TMEM232: variants seen among roughly 807,000 people sequenced by gnomAD.
The protein encoded by TMEM232 is transmembrane protein 232.
In TMEM232, 80 loss-of-function variants were observed where a neutral mutation model predicts 78.8. The observed-to-expected ratio is 1.01, with a 90% CI of 0.85 to 1.22. TMEM232 has a LOEUF of 1.22. TMEM232 is among the 50% of genes most tolerant of loss of function. The pLI is 0.00. For synonymous variants in TMEM232, 297 were observed against 254.3 expected, an observed-to-expected ratio of 1.17 and a Z score of -1.60; for missense variants, 881 against 742.2, an observed-to-expected ratio of 1.19 and a Z score of -2.17.
Position 110,566,408 on chromosome 5 carries a change from G to C in TMEM232, c.1455+2039C>G, listed in dbSNP as rs1248037615. Among the ~76,000 whole-genome samples the C allele has an allele frequency of 5.3e-5, 8 of 151,852 alleles. No individual in the cohort carries two copies. In the East Asian group the frequency reaches 1.6e-3, roughly 30 times the overall value. On this transcript the variant is annotated intron_variant, in intron 11 of 13. Transcript: ENST00000455884. ...GCTTGAATTCCTTCCCAAAAAATGGGATGCAGGCTGCAAATTTTTCAAACT... is the reference window on the plus strand; with the variant it reads ...GCTTGAATTCCTTCCCAAAAAATGGCATGCAGGCTGCAAATTTTTCAAACT...
At chr5:110,656,408 T>A (rs926657331) in intron 2 of TMEM232, among the ~76,000 whole-genome samples, 1 of 152,046 alleles carries the variant, frequency 6.6e-6, no homozygotes, top group African/African-American at 2.4e-5. Flanking sequence ...TTATGTTAAT[T>A]TTTTTTTGTT....
chr5:110,570,880 A>G (rs1372779944), intron 10 of TMEM232, among the ~76,000 whole-genome samples: 2 of 151,972 alleles, frequency 1.3e-5, no homozygotes, highest in East Asian at 3.9e-4. Flanking sequence ...ATATGACATC[A>G]TTTTGGAACA....
At chr5:110,558,716 A>G (rs1775405464) in intron 11 of TMEM232, among the ~76,000 whole-genome samples, 1 of 152,244 alleles carries the variant, frequency 6.6e-6, no homozygotes, top group East Asian at 1.9e-4. Flanking sequence ...ATCCCTGGCC[A>G]TTTTCCACTA....
intron 1 of TMEM232, among the ~76,000 whole-genome samples, chr5:110,736,749 C>T (rs1799211958): frequency 6.6e-6 from 1 of 152,012 alleles, no homozygotes; most frequent in Non-Finnish European, 1.5e-5. Context: ...CACATTACTC[C>T]TCTACTCTCA....
chr5:110,397,683 TATAAGA>T (rs143893945), intron 3 of TMEM232: 8,495 of 152,624 alleles, frequency 0.056, 463 homozygotes, highest in East Asian at 0.22. Context: ...ACCACCCATT[TATAAGA>T]ATAAGTTGGT....
chr5:110,500,308 G>T (rs56392154), intron 12 of TMEM232, among the ~76,000 whole-genome samples: 3 of 130,724 alleles, frequency 2.3e-5, no homozygotes, highest in African/African-American at 6.1e-5. Flanking sequence ...AAAAAAAAAA[G>T]AAAGAAAGAA....
At chr5:110,569,001 G>A (rs1776633190) in intron 10 of TMEM232, among the ~76,000 whole-genome samples, 1 of 151,808 alleles carries the variant, frequency 6.6e-6, no homozygotes, top group Admixed American at 6.6e-5. Context: ...TAATAAAGTA[G>A]AGAAACCAGA....
chr5:110,502,534 A>G (rs1209173625), intron 12 of TMEM232, among the ~76,000 whole-genome samples: 1 of 152,214 alleles, frequency 6.6e-6, no homozygotes, highest in Non-Finnish European at 1.5e-5. Flanking sequence ...CTTTCTCTTT[A>G]ATAGGCAAAT....
At chr5:110,419,178 TC>T (rs1380491210), downstream of TMEM232, among the ~76,000 whole-genome samples, 5 of 149,816 alleles carry the variant, frequency 3.3e-5, no homozygotes, top group African/African-American at 1.2e-4. Context: ...TTTTTTTTTT[TC>T]CTTTGCACAA....
At chr5:110,641,592 A>T (rs2150018689) in intron 3 of TMEM232, among the ~76,000 whole-genome samples, 1 of 152,250 alleles carries the variant, frequency 6.6e-6, no homozygotes, top group African/African-American at 2.4e-5. Flanking sequence ...TTTTTTTCAA[A>T]ATTTTCAAAT....
chr5:110,477,711 CATA>C (rs1247703857), intron 12 of TMEM232, among the ~76,000 whole-genome samples: 1 of 151,746 alleles, frequency 6.6e-6, no homozygotes, highest in African/African-American at 2.4e-5. Flanking sequence ...AAAAAAAATT[CATA>C]ATGATGATAA....
chr5:110,623,085 C>T (rs1783982127), intron 7 of TMEM232, among the ~76,000 whole-genome samples: 1 of 152,058 alleles, frequency 6.6e-6, no homozygotes, highest in African/African-American at 2.4e-5. Context: ...AGCGTTCTGG[C>T]TCTGCTATCC....
At chr5:110,482,149 C>A (rs1763937980) in intron 12 of TMEM232, among the ~76,000 whole-genome samples, 1 of 152,054 alleles carries the variant, frequency 6.6e-6, no homozygotes, top group Non-Finnish European at 1.5e-5. Context: ...CAGGATATCA[C>A]ATCCAAACAA....
intron 1 of TMEM232, among the ~76,000 whole-genome samples, chr5:110,669,138 C>T (rs1382383415): frequency 6.6e-6 from 1 of 151,992 alleles, no homozygotes; most frequent in Non-Finnish European, 1.5e-5. Context: ...CAGAGCAGAA[C>T]TGAAGGAGAT....
At chr5:110,603,113 G>A (rs548826488) in intron 10 of TMEM232, among the ~76,000 whole-genome samples, 1 of 152,088 alleles carries the variant, frequency 6.6e-6, no homozygotes, top group African/African-American at 2.4e-5. Flanking sequence ...GACACAGGGA[G>A]GGGAATATCA....
At chr5:110,441,951 C>G (rs1266948021) in intron 12 of TMEM232, among the ~76,000 whole-genome samples, 1 of 151,822 alleles carries the variant, frequency 6.6e-6, no homozygotes, top group African/African-American at 2.4e-5. Context: ...ATGCCACTCT[C>G]TCCTGGCCTG....
At chr5:110,691,960 G>A (rs984972741) in intron 1 of TMEM232, among the ~76,000 whole-genome samples, 21 of 152,080 alleles carry the variant, frequency 1.4e-4, no homozygotes, top group Admixed American at 2.0e-4. Flanking sequence ...TCACTCTGTC[G>A]CCCAGGCTGG....
intron 10 of TMEM232, among the ~76,000 whole-genome samples, chr5:110,579,209 T>C (rs1270553428): frequency 6.7e-6 from 1 of 149,258 alleles, no homozygotes; most frequent in Admixed American, 6.7e-5. Context: ...TTCAAAGGGA[T>C]GGAAGAAAAA....
At chr5:110,612,698 G>T (rs1185720139) in intron 8 of TMEM232, among the ~76,000 whole-genome samples, 3 of 151,980 alleles carry the variant, frequency 2.0e-5, no homozygotes, top group African/African-American at 7.2e-5. Context: ...CTTTTTTTTG[G>T]AATACACTTA....
Sources: allele counts gnomAD v4.1 joint callset (sites outside exome capture counted in the v4.1 genomes callset), GRCh38; gene constraint gnomAD v4.1.1; transcripts MANE v1.5; gene names NCBI Gene and HGNC (gene_info 2026-07-23, HGNC 2026-07-21).